Variants in TLN2 observed in about 807,000 individuals in gnomAD.
TLN2 encodes the protein talin 2.
Under a neutral mutation model 294.7 loss-of-function variants are expected in TLN2, and 118 were observed. The ratio of observed to expected loss-of-function variants is 0.40; its 90% CI spans 0.34 to 0.47. The LOEUF (loss-of-function observed/expected upper bound fraction) is 0.47, where lower values mean the gene tolerates loss of function less well. TLN2 is among the 20% of genes least tolerant of loss of function. The pLI, the probability that TLN2 is intolerant of heterozygous loss-of-function variation, is 0.84. For missense variants in TLN2, 3,083 were observed against 3,282.2 expected (o/e 0.94, Z 1.48); for synonymous variants, 1,431 against 1,304.5 (o/e 1.10, Z -2.09).
chr15:62,491,353 C>T (rs11629811), intron 1 of TLN2, among the ~76,000 whole-genome samples: 2,174 of 41,640 alleles, frequency 0.052, 13 homozygotes, highest in Middle Eastern at 0.11. Flanking sequence ...TATATATATA[C>T]ACACACACAC....
chr15:62,661,180 G>C (rs2053781899), intron 9 of TLN2, among the ~76,000 whole-genome samples: 10 of 152,156 alleles, frequency 6.6e-5, no homozygotes. Flanking sequence ...TATTTTATTG[G>C]AGAAGATGAG....
chr15:62,763,824 C>A, intron 40 of TLN2, 129 bp downstream of exon 40: 2 of 1,336,492 alleles, frequency 1.5e-6, no homozygotes, highest in Non-Finnish European at 2.0e-6. Context: ...CATTAGACAG[C>A]CATTCTCTGT....
intron 1 of TLN2, among the ~76,000 whole-genome samples, chr15:62,530,274 A>G (rs1456423822): frequency 1.3e-5 from 2 of 152,258 alleles, no homozygotes; most frequent in African/African-American, 4.8e-5. Flanking sequence ...TTTAGGAGAA[A>G]TTCCTAAAAG....
chr15:62,395,740 G>T (rs896240911), intron 1 of TLN2, among the ~76,000 whole-genome samples: 10 of 152,318 alleles, frequency 6.6e-5, no homozygotes, highest in Middle Eastern at 3.4e-3. Context: ...GGATTATTTT[G>T]TGAGGGTAGT....
chr15:62,620,837 CTTTTTTT>C (rs71129016), intron 3 of TLN2, among the ~76,000 whole-genome samples: 53 of 66,414 alleles, frequency 8.0e-4, no homozygotes, highest in African/African-American at 2.5e-3. Context: ...CTTTCTTTTT[CTTTTTTT>C]TTTTTTTTTT....
At chr15:62,762,515 G>GC (rs2062738127) in intron 39 of TLN2, 62 bp downstream of exon 39, 1 of 1,558,772 alleles carries the variant, frequency 6.4e-7, no homozygotes, top group African/African-American at 1.4e-5. Flanking sequence ...AGGAGGATAA[G>GC]CCCACCAGGC....
At chr15:62,807,212 A>G (rs2066351659) in intron 51 of TLN2, among the ~76,000 whole-genome samples, 1 of 152,114 alleles carries the variant, frequency 6.6e-6, no homozygotes, top group African/African-American at 2.4e-5. Context: ...ATAACTGCCA[A>G]AGGGGTTACA....
At chr15:62,492,188 A>G (rs2038770580) in intron 1 of TLN2, among the ~76,000 whole-genome samples, 1 of 152,172 alleles carries the variant, frequency 6.6e-6, no homozygotes, top group East Asian at 1.9e-4. Context: ...GCGGTGGCTC[A>G]CGCCTGTAAT....
At chr15:62,711,780 T>G (rs1567426133) in intron 21 of TLN2, 131 bp from the exon 22 acceptor site, 1 of 1,001,492 alleles carries the variant, frequency 1.0e-6, no homozygotes, top group Non-Finnish European at 1.4e-6. Flanking sequence ...GGCTTAGGAC[T>G]AGAGCATGGA....
chr15:62,728,033 G>A (rs566247774), intron 28 of TLN2, among the ~76,000 whole-genome samples: 13 of 152,174 alleles, frequency 8.5e-5, no homozygotes, highest in Admixed American at 2.6e-4. Flanking sequence ...ACCTTCATAA[G>A]GTCTCACAAA....
chr15:62,399,585 A>G (rs2032862734), intron 1 of TLN2, among the ~76,000 whole-genome samples: 1 of 152,378 alleles, frequency 6.6e-6, no homozygotes, highest in African/African-American at 2.4e-5. Context: ...AAGCTGTCCA[A>G]GGTCATGGGA....
intron 1 of TLN2, among the ~76,000 whole-genome samples, chr15:62,573,775 C>CT (rs58692120): frequency 0.6 from 86,440 of 145,106 alleles, 27,153 homozygotes; most frequent in East Asian, 0.77. Context: ...CTTCCTTTTT[C>CT]TTTTTTTTTT....
At chr15:62,746,269 C>T (rs765347329) in intron 32 of TLN2, among the ~76,000 whole-genome samples, 20 of 152,108 alleles carry the variant, frequency 1.3e-4, no homozygotes, top group Admixed American at 3.9e-4. Context: ...ATCTCAGAAG[C>T]GTGTCTCAAG....
At chr15:62,478,400 C>G (rs926365211) in intron 1 of TLN2, among the ~76,000 whole-genome samples, 1 of 152,158 alleles carries the variant, frequency 6.6e-6, no homozygotes, top group African/African-American at 2.4e-5. Context: ...ATAGGACCCT[C>G]CCCTGTATGG....
At chr15:62,818,296 T>C (rs1033415886) in intron 52 of TLN2, among the ~76,000 whole-genome samples, 1 of 152,184 alleles carries the variant, frequency 6.6e-6, no homozygotes, top group Non-Finnish European at 1.5e-5. Flanking sequence ...CAGTTATACT[T>C]CTCTCCTGAC....
Position 62,707,193 on chromosome 15 carries a change from G to A in TLN2, c.2112G>A (p.Arg704=). 1 of 1,614,094 alleles carries A rather than the reference G, an allele frequency of 6.2e-7. No homozygotes were observed. Among genetic ancestry groups the A allele is most frequent in the Non-Finnish European group, 8.5e-7 (1 of 1,179,970 alleles). The change falls in exon 20 of 59, where the codon AGG becomes AGA. Residue 704 remains arginine (R), a synonymous_variant. Transcript: ENST00000636159. ...QVAEDTVLQN[R]VIAAATQCAL... is the part of the protein sequence containing the mutation. ...CCGAAGACACTGTCCTACAGAACAG[G>A]GTAATTGCTGCTGCCACCCAGTGTG...
Position 62,771,089 on chromosome 15 carries a change from C to T in TLN2, c.5322C>T (p.Ala1774=), listed in dbSNP as rs150770826. The T allele has an allele frequency of 4.9e-4, 789 of 1,613,432 alleles. 16 individuals carry two copies. The East Asian group carries it at 0.017, about 35-fold the overall frequency. The part of the protein sequence containing the change: ...LDQTKTLAES[A]LQMLYAAKEG... The stretch of plus-strand genomic sequence containing the variant: ...AGACCAAGACTCTCGCAGAGTCTGC[C>T]TTGCAGATGTTGTATGCAGCCAAAG... The change falls in exon 42 of 59, where the codon GCC becomes GCT. Residue 1774 remains alanine, a synonymous_variant. Transcript: ENST00000636159.
At chr15:62,413,610 A>T (rs894814365) in intron 1 of TLN2, among the ~76,000 whole-genome samples, 3 of 152,248 alleles carry the variant, frequency 2.0e-5, no homozygotes, top group African/African-American at 7.2e-5. Flanking sequence ...GTTCAAAGTC[A>T]TGGCGTGAAT....
intron 2 of TLN2, among the ~76,000 whole-genome samples, chr15:62,609,114 C>T (rs796288281): frequency 3.9e-5 from 6 of 152,104 alleles, no homozygotes; most frequent in African/African-American, 1.4e-4. Flanking sequence ...CCCTGGGCCT[C>T]CTCCCTTGTC....
Sources: gnomAD v4.1 joint callset for allele counts (sites outside exome capture counted in the v4.1 genomes callset) on GRCh38, gnomAD v4.1.1 for gene constraint, MANE v1.5 for transcripts, NCBI Gene and HGNC (gene_info 2026-07-23, HGNC 2026-07-21) for gene names.